The following XKR6 variants were observed in gnomAD, a reference collection of about 807,000 sequenced individuals.
XKR6 encodes the protein XK related 6, also known as XK-related protein 6.
XKR6 carries 22 observed loss-of-function variants against 56.7 expected under a neutral mutation model. That is an observed-to-expected ratio of 0.39 (90% CI 0.28 to 0.55). The LOEUF (loss-of-function observed/expected upper bound fraction) is 0.55. Ranked by LOEUF, XKR6 falls within the 20% of genes least tolerant of loss-of-function variation. The probability of loss-of-function intolerance (pLI) is 0.66; values close to 1 mark genes in which losing one functional copy is unlikely to be tolerated. For synonymous variants in XKR6, 524 were observed against 387.8 expected (o/e 1.35, Z -4.13); for missense variants, 852 against 889.0 (o/e 0.96, Z 0.53).
Position 11,110,012 on chromosome 8 carries a change from G to A in XKR6, c.764+90564C>T, listed in dbSNP as rs75757998. Among the ~76,000 whole-genome samples, 225 of 152,032 alleles carry A rather than the reference G, an allele frequency of 1.5e-3. 3 individuals carry two copies. In the South Asian group the frequency reaches 0.019, roughly 13 times the overall value. On this transcript the variant is annotated intron_variant, in intron 1 of 2. Transcript: ENST00000416569. The stretch of plus-strand genomic sequence containing the variant: ...CTTTGACATGGAGTCTTACTCTGTC[G>A]CCCAGGCTGGAGTGCAGTGACACAA...
At chr8:11,016,202 C>G (rs748287916) in intron 1 of XKR6, among the ~76,000 whole-genome samples, 1 of 152,192 alleles carries the variant, frequency 6.6e-6, no homozygotes, top group Non-Finnish European at 1.5e-5. Flanking sequence ...CTAAAAGCCC[C>G]GTCCCCGGGC....
At chr8:11,129,186 T>C (rs1799979455) in intron 1 of XKR6, 1 of 353,486 alleles carries the variant, frequency 2.8e-6, no homozygotes, top group African/African-American at 2.1e-5. Context: ...GAGGTGATGG[T>C]TGCTCAACAT....
At chr8:11,123,238 GGA>G (rs1491585504) in intron 1 of XKR6, 3 of 109,554 alleles carry the variant, frequency 2.7e-5, no homozygotes, top group African/African-American at 1.7e-4. Context: ...CTGTGTAGAA[GGA>G]AAAAAAAAAA....
intron 2 of XKR6, among the ~76,000 whole-genome samples, 167 bp from the exon 3 acceptor site, chr8:10,899,083 G>A (rs996354110): frequency 2.0e-5 from 3 of 152,172 alleles, no homozygotes; most frequent in South Asian, 2.1e-4. Context: ...TGCTCCCTAC[G>A]CTGACAACTT....
chr8:11,136,639 G>A (rs938170973), intron 1 of XKR6, among the ~76,000 whole-genome samples: 4 of 152,106 alleles, frequency 2.6e-5, no homozygotes, highest in African/African-American at 9.7e-5. Flanking sequence ...TACCCTATCA[G>A]TAGAGACAAG....
chr8:11,137,189 C>A, intron 1 of XKR6: 1 of 172,474 alleles, frequency 5.8e-6, no homozygotes, highest in East Asian at 1.8e-4. Context: ...CATCATCATG[C>A]TAAAACATAC....
intron 1 of XKR6, among the ~76,000 whole-genome samples, chr8:11,065,054 T>A (rs946303323): frequency 7.9e-5 from 12 of 152,170 alleles, no homozygotes; most frequent in African/African-American, 2.4e-5. Flanking sequence ...GCATAAAATT[T>A]AAAAAAATCA....
chr8:11,084,907 C>T (rs1036406328), intron 1 of XKR6, among the ~76,000 whole-genome samples: 1 of 152,182 alleles, frequency 6.6e-6, no homozygotes, highest in Non-Finnish European at 1.5e-5. Flanking sequence ...CCTAAGAAAA[C>T]AGTGCCTTAC....
chr8:10,993,234 T>C (rs1314031702), intron 1 of XKR6, among the ~76,000 whole-genome samples: 2 of 152,262 alleles, frequency 1.3e-5, no homozygotes, highest in East Asian at 1.9e-4. Flanking sequence ...ATGCTTTTTA[T>C]TCAAGTCACA....
intron 1 of XKR6, among the ~76,000 whole-genome samples, chr8:11,051,879 G>C (rs572614170): frequency 5.3e-5 from 8 of 152,120 alleles, no homozygotes; most frequent in African/African-American, 1.9e-4. Flanking sequence ...CGTGCAGAAC[G>C]TGCAGGTTTG....
chr8:10,938,444 A>G (rs1285034042), intron 1 of XKR6, among the ~76,000 whole-genome samples: 1 of 152,102 alleles, frequency 6.6e-6, no homozygotes, highest in Non-Finnish European at 1.5e-5. Flanking sequence ...TTCTTTTCAT[A>G]CTTGCCTACT....
chr8:10,959,509 G>A (rs772328669), intron 1 of XKR6, among the ~76,000 whole-genome samples: 11 of 152,194 alleles, frequency 7.2e-5, no homozygotes, highest in Non-Finnish European at 1.3e-4. Flanking sequence ...TTTGGTTCCT[G>A]GTGAGGGCTC....
At chr8:10,975,250 G>A (rs971488999) in intron 1 of XKR6, among the ~76,000 whole-genome samples, 6 of 152,208 alleles carry the variant, frequency 3.9e-5, no homozygotes, top group Non-Finnish European at 8.8e-5. Context: ...GGGAGTGTGG[G>A]TGGCACCATC....
At chr8:11,109,878 G>A (rs1268917728) in intron 1 of XKR6, among the ~76,000 whole-genome samples, 1 of 152,104 alleles carries the variant, frequency 6.6e-6, no homozygotes, top group African/African-American at 2.4e-5. Flanking sequence ...GTTTCTAAAA[G>A]CCTGTCATAA....
At chr8:10,959,195 A>T (rs1563312422) in intron 1 of XKR6, among the ~76,000 whole-genome samples, 2 of 152,096 alleles carry the variant, frequency 1.3e-5, no homozygotes. Flanking sequence ...GGATCTCTCC[A>T]GTGTCCCTCC....
At chr8:11,031,952 C>T (rs372797963) in intron 1 of XKR6, among the ~76,000 whole-genome samples, 1 of 152,192 alleles carries the variant, frequency 6.6e-6, no homozygotes, top group African/African-American at 2.4e-5. Flanking sequence ...ACAGGGAGAT[C>T]CCCCCAGCAG....
chr8:11,070,500 C>G (rs556087140), intron 1 of XKR6, among the ~76,000 whole-genome samples: 10 of 152,140 alleles, frequency 6.6e-5, no homozygotes, highest in African/African-American at 2.4e-4. Flanking sequence ...AAAAGCAAAG[C>G]AAAATAAAGA....
chr8:10,966,756 T>G (rs1802236497), intron 1 of XKR6, among the ~76,000 whole-genome samples: 1 of 152,124 alleles, frequency 6.6e-6, no homozygotes, highest in African/African-American at 2.4e-5. Context: ...ATAGGGTCTC[T>G]GGGGATGGGG....
chr8:10,945,027 G>T (rs1361725766), intron 1 of XKR6, among the ~76,000 whole-genome samples: 10 of 152,156 alleles, frequency 6.6e-5, no homozygotes, highest in Non-Finnish European at 5.9e-5. Flanking sequence ...TGGATGTAGG[G>T]TCAAGCTCGA....
Sources: gnomAD v4.1 joint callset for allele counts (sites outside exome capture counted in the v4.1 genomes callset) on GRCh38, gnomAD v4.1.1 for gene constraint, MANE v1.5 for transcripts, NCBI Gene and HGNC (gene_info 2026-07-23, HGNC 2026-07-21) for gene names.